DMD: variants seen among roughly 807,000 people sequenced by gnomAD.
DMD encodes mutant dystrophin.
In DMD, 63 loss-of-function variants were observed where a neutral mutation model predicts 330.1. The observed-to-expected ratio is 0.19, with a 90% CI of 0.16 to 0.24. DMD has a LOEUF of 0.24. DMD is among the 10% of genes least tolerant of loss of function. The pLI, the probability that DMD is intolerant of heterozygous loss-of-function variation, is 1.00. For synonymous variants in DMD, 1,223 were observed against 959.8 expected (o/e 1.27, Z -5.07); for missense variants, 3,344 against 2,684.1 (o/e 1.25, Z -5.43).
intron 47 of DMD, among the ~76,000 whole-genome samples, chrX:31,910,442 A>C (rs2094533033): frequency 8.9e-6 from 1 of 112,203 alleles, no homozygotes; most frequent in African/African-American, 3.2e-5. Context: ...TACCTAACAC[A>C]CTGAGGAATC....
intron 45 of DMD, among the ~76,000 whole-genome samples, chrX:31,941,740 T>A (rs2095005771): frequency 9.0e-6 from 1 of 111,188 alleles, no homozygotes; most frequent in South Asian, 3.8e-4. Context: ...TGTCTATTGT[T>A]TTCACCTTTA....
intron 50 of DMD, among the ~76,000 whole-genome samples, chrX:31,816,794 T>TCACACACACACACACA (rs759346277): frequency 0.087 from 7,389 of 85,127 alleles, 335 homozygotes; most frequent in African/African-American, 0.12. Context: ...CAAGATTCTG[T>TCACACACACACACACA]CACACACACA....
intron 54 of DMD, among the ~76,000 whole-genome samples, chrX:31,630,470 G>A (rs1195031583): frequency 2.7e-5 from 3 of 110,940 alleles, no homozygotes; most frequent in Non-Finnish European, 5.7e-5. Context: ...GGGGTTTTAC[G>A]GCTTCAACAT....
At chrX:32,097,108 G>A (rs753623182) in intron 44 of DMD, among the ~76,000 whole-genome samples, 1 of 111,046 alleles carries the variant, frequency 9.0e-6, no homozygotes, top group African/African-American at 3.3e-5. Context: ...TAAATTTTAA[G>A]TTCTGGGAAA....
At chrX:32,845,179 C>T (rs2080548116) in intron 3 of DMD, among the ~76,000 whole-genome samples, 1 of 111,875 alleles carries the variant, frequency 8.9e-6, no homozygotes, top group African/African-American at 3.2e-5. Context: ...TGCATAAAAA[C>T]ATTTTCTAGT....
intron 41 of DMD, among the ~76,000 whole-genome samples, chrX:32,314,392 T>C (rs2097575600): frequency 9.0e-6 from 1 of 110,988 alleles, no homozygotes; most frequent in Non-Finnish European, 1.9e-5. Flanking sequence ...ATACAAAAAT[T>C]AACTCATGAT....
intron 2 of DMD, among the ~76,000 whole-genome samples, chrX:32,890,552 T>C (rs1272967496): frequency 9.0e-6 from 1 of 111,016 alleles, no homozygotes; most frequent in African/African-American, 3.3e-5. Context: ...TCTAGGTTTT[T>C]CCTATCCAAC....
At chrX:32,418,199 T>G (rs766758901) in intron 29 of DMD, among the ~76,000 whole-genome samples, 1 of 111,490 alleles carries the variant, frequency 9.0e-6, no homozygotes, top group Non-Finnish European at 1.9e-5. Context: ...TAAAAGCATT[T>G]CATGTTTCTG....
At chrX:31,380,155 G>C (rs148280961) in intron 60 of DMD, among the ~76,000 whole-genome samples, 1 of 110,461 alleles carries the variant, frequency 9.1e-6, no homozygotes. Context: ...AGGTATTGAC[G>C]GCCAGGCTTC....
chrX:32,564,924 T>A (rs2149090292), intron 16 of DMD, among the ~76,000 whole-genome samples: 1 of 111,879 alleles, frequency 8.9e-6, no homozygotes, highest in African/African-American at 3.2e-5. Flanking sequence ...TTGAGTAAAG[T>A]TATTCCTTAT....
At chrX:33,309,046 G>T (rs1364947559) in intron 1 of DMD, among the ~76,000 whole-genome samples, 1 of 111,432 alleles carries the variant, frequency 9.0e-6, no homozygotes, top group Admixed American at 9.6e-5. Flanking sequence ...AAGGATAATT[G>T]AATCCAAACA....
intron 55 of DMD, among the ~76,000 whole-genome samples, chrX:31,513,618 G>A (rs758787515): frequency 4.5e-5 from 5 of 111,793 alleles, no homozygotes; most frequent in African/African-American, 1.6e-4. Context: ...TTCACTGTAT[G>A]CTCTCTAATT....
At chrX:33,004,664 G>GA (rs1197125212) in intron 2 of DMD, among the ~76,000 whole-genome samples, 2 of 110,011 alleles carry the variant, frequency 1.8e-5, no homozygotes, top group African/African-American at 6.6e-5. Flanking sequence ...TCCAACTCCA[G>GA]AAAAAAATAC....
intron 53 of DMD, among the ~76,000 whole-genome samples, chrX:31,673,878 T>C (rs1228395360): frequency 8.9e-6 from 1 of 111,892 alleles, no homozygotes; most frequent in Non-Finnish European, 1.9e-5. Flanking sequence ...GAGCACTCTG[T>C]TTGTATGCTT....
intron 55 of DMD, among the ~76,000 whole-genome samples, chrX:31,579,889 G>T (rs2076265351): frequency 8.9e-6 from 1 of 111,921 alleles, no homozygotes; most frequent in African/African-American, 3.2e-5. Context: ...TGTTGGCAGG[G>T]CTATACTCCT....
chrX:32,730,368 G>A (rs927261603), intron 7 of DMD, among the ~76,000 whole-genome samples: 1 of 111,831 alleles, frequency 8.9e-6, no homozygotes, highest in Non-Finnish European at 1.9e-5. Flanking sequence ...AAATGTAATG[G>A]TGCCATAAGT....
intron 42 of DMD, among the ~76,000 whole-genome samples, chrX:32,292,671 G>A (rs1193974194): frequency 9.0e-6 from 1 of 111,706 alleles, no homozygotes; most frequent in African/African-American, 3.3e-5. Context: ...GCTGCTGATC[G>A]TACAGCTTTC....
At chrX:32,115,456 T>A (rs1466865671) in intron 44 of DMD, among the ~76,000 whole-genome samples, 1 of 110,493 alleles carries the variant, frequency 9.1e-6, no homozygotes, top group Non-Finnish European at 1.9e-5. Flanking sequence ...TTACCCAGGC[T>A]GGTCTTGGAC....
At chrX:33,217,390 T>A (rs1003064637) in intron 1 of DMD, among the ~76,000 whole-genome samples, 19 of 111,956 alleles carry the variant, frequency 1.7e-4, no homozygotes, top group Non-Finnish European at 1.9e-5. Flanking sequence ...ATATTTACTA[T>A]GTTGTATCCT....
Sources: gnomAD v4.1 joint callset for allele counts (sites outside exome capture counted in the v4.1 genomes callset) on GRCh38, gnomAD v4.1.1 for gene constraint, MANE v1.5 for transcripts, NCBI Gene and HGNC (gene_info 2026-07-23, HGNC 2026-07-21) for gene names.